The following KCTD3 variants were observed in gnomAD, a reference collection of about 807,000 sequenced individuals.
KCTD3 encodes BTB/POZ domain-containing protein KCTD3.
A neutral mutation model predicts 85.8 loss-of-function variants in KCTD3; 41 were observed. The observed-to-expected ratio is 0.48, with a 90% CI of 0.37 to 0.62. KCTD3 has a LOEUF of 0.62. Among genes scored for constraint, KCTD3 ranks in the 20% least tolerant of loss-of-function variants. The pLI is 0.00. For missense variants in KCTD3, 724 were observed against 989.9 expected, an observed-to-expected ratio of 0.73 and a Z score of 3.60; for synonymous variants, 338 against 345.4, an observed-to-expected ratio of 0.98 and a Z score of 0.24.
In KCTD3 at chr1:215,619,275, C is replaced by T; in HGVS notation, c.1870C>T (p.Arg624Ter). ...TTCCGTAGTTCAGCATAGCCACTTA[C>T]GAGAATCAAATTCTAGGTAGGTTAA... ...ATSVVQHSHL[R>*]ESNSSLQLQH... is the part of the protein sequence containing the mutation. The change falls in exon 17 of 18, where the codon CGA becomes TGA. Residue 624 changes from arginine (R) to a stop codon, truncating the protein, a stop_gained. Transcript: ENST00000259154. LOFTEE classifies it low-confidence loss of function (END_TRUNC). 7 of 1,612,896 alleles carry T rather than the reference C, an allele frequency of 4.3e-6. No homozygotes were observed. Among genetic ancestry groups the T allele is most frequent in the Non-Finnish European group, 5.9e-6 (7 of 1,179,368 alleles).
At chr1:215,589,821 A>G (rs1660147045) in intron 9 of KCTD3, among the ~76,000 whole-genome samples, 1 of 152,160 alleles carries the variant, frequency 6.6e-6, no homozygotes, top group African/African-American at 2.4e-5. Flanking sequence ...AATACGGCAG[A>G]ATTTGTTTAT....
In KCTD3 at chr1:215,586,526, T is replaced by C. The variant is rs1349556402; in HGVS notation, c.658T>C (p.Phe220Leu). Reference sequence around the variant, plus strand: ...AGAATCTTCAGGATGGCAGCAAGTGTTTACGAGCCCATATTTGGATTGGAC... The same window carrying C: ...AGAATCTTCAGGATGGCAGCAAGTGCTTACGAGCCCATATTTGGATTGGAC... ...IKESSGWQQV[F>L]TSPYLDWTIE... The change falls in exon 9 of 18, where the codon TTT becomes CTT. Residue 220 changes from phenylalanine (F) to leucine (L), a missense_variant. By Grantham distance (22) the Phe-to-Leu change is conservative (BLOSUM62 0). Transcript: ENST00000259154. The C allele has an allele frequency of 6.2e-7, 1 of 1,614,110 alleles. No individual in the cohort carries two copies. Among genetic ancestry groups the C allele is most frequent in the Admixed American group, 1.7e-5 (1 of 60,012 alleles).
At chr1:215,580,818 C>CATT (rs1659789942) in intron 8 of KCTD3, among the ~76,000 whole-genome samples, 1 of 151,800 alleles carries the variant, frequency 6.6e-6, no homozygotes, top group Admixed American at 6.6e-5. Flanking sequence ...CTAAAGTTTA[C>CATT]AGATATAGTT....
At chr1:215,585,526 C>G (rs1659976662) in intron 8 of KCTD3, among the ~76,000 whole-genome samples, 1 of 152,102 alleles carries the variant, frequency 6.6e-6, no homozygotes, top group Admixed American at 6.5e-5. Context: ...AGGTAGTGTG[C>G]AAAAGAACGC....
chr1:215,619,812 CTT>C (rs1553311703), intron 17 of KCTD3, among the ~76,000 whole-genome samples: 3 of 151,868 alleles, frequency 2.0e-5, no homozygotes, highest in South Asian at 4.2e-4. Flanking sequence ...TTCCTCCCAT[CTT>C]TTTTTTAGCT....
At chr1:215,589,613 T>G (rs532515522) in intron 9 of KCTD3, among the ~76,000 whole-genome samples, 16 of 152,222 alleles carry the variant, frequency 1.1e-4, no homozygotes, top group Non-Finnish European at 2.1e-4. Flanking sequence ...CAACATAAAC[T>G]GCATTGTTTA....
rs1278403595 is a variant in KCTD3, at chr1:215,620,483, C to G, written c.2313C>G (p.Pro771=). The G allele has an allele frequency of 1.2e-6, 2 of 1,613,700 alleles. No individual in the cohort carries two copies. Among genetic ancestry groups the G allele is most frequent in the Non-Finnish European group, 8.5e-7 (1 of 1,179,662 alleles). ...GGGFLGRKKV[P]YLASSPSTSD... Reference sequence around the variant, plus strand: ...GATTCCTTGGAAGAAAGAAAGTTCCCTATCTGGCGTCATCACCAAGTACTT... The same window carrying G: ...GATTCCTTGGAAGAAAGAAAGTTCCGTATCTGGCGTCATCACCAAGTACTT... The change falls in exon 18 of 18, where the codon CCC becomes CCG. Residue 771 remains proline (P), a synonymous_variant. Coordinates refer to ENST00000259154, the MANE Select transcript of KCTD3 (RefSeq NM_016121.5).
At chr1:215,606,745 T>C (rs1655037284) in intron 13 of KCTD3, among the ~76,000 whole-genome samples, 1 of 152,022 alleles carries the variant, frequency 6.6e-6, no homozygotes. Context: ...GAGTATTTTG[T>C]GTATACTCAG....
intron 10 of KCTD3, among the ~76,000 whole-genome samples, chr1:215,601,126 A>G (rs1345985864): frequency 6.9e-6 from 1 of 144,716 alleles, no homozygotes; most frequent in Non-Finnish European, 1.5e-5. Flanking sequence ...TAGTAGAGAC[A>G]GGGTTTCACC....
chr1:215,586,479 T>C lies in KCTD3; in HGVS notation c.627-16T>C. ...TGCTGCTGAGTCTACCTTATGTGCCTGTTCTTCCTTAACAGAATCAAAGAA... is the reference window on the plus strand; with the variant it reads ...TGCTGCTGAGTCTACCTTATGTGCCCGTTCTTCCTTAACAGAATCAAAGAA... On this transcript the variant is annotated splice_polypyrimidine_tract_variant and intron_variant, in intron 8 of 17. Coordinates refer to ENST00000259154, the MANE Select transcript of KCTD3 (RefSeq NM_016121.5). 6.3e-7 allele frequency: 1 copy of C among 1,598,396 alleles called. No individual in the cohort carries two copies. The highest frequency in any genetic ancestry group is 8.5e-7 in the Non-Finnish European group (1 of 1,170,054).
chr1:215,573,707 G>A (rs1659459983), intron 1 of KCTD3, 79 bp from the exon 2 acceptor site: 1 of 770,390 alleles, frequency 1.3e-6, no homozygotes, highest in Non-Finnish European at 2.2e-6. Context: ...TCATTAGCCA[G>A]TGTATTAAAA....
At chr1:215,569,429 A>G (rs577593095) in intron 1 of KCTD3, among the ~76,000 whole-genome samples, 36 of 152,098 alleles carry the variant, frequency 2.4e-4, no homozygotes, top group Non-Finnish European at 3.7e-4. Context: ...GATAGTTAAT[A>G]TATTTCTATT....
chr1:215,577,586 A>C (rs1659636712), intron 4 of KCTD3, 84 bp from the exon 5 acceptor site: 19 of 828,124 alleles, frequency 2.3e-5, no homozygotes, highest in Middle Eastern at 2.3e-4. Flanking sequence ...ATATACATGA[A>C]GAACCTAGAA....
chr1:215,608,069 A>C lies in KCTD3; in HGVS notation c.1362A>C (p.Gly454=). 1 of 1,612,282 alleles carries C rather than the reference A, an allele frequency of 6.2e-7. No homozygotes were observed. Among genetic ancestry groups the C allele is most frequent in the South Asian group, 1.1e-5 (1 of 91,016 alleles). The change falls in exon 14 of 18, where the codon GGA becomes GGC. Residue 454 remains glycine, a synonymous_variant. Coordinates refer to ENST00000259154, the MANE Select transcript of KCTD3 (RefSeq NM_016121.5). ...CGTGGACAGTAACACGATTCAGAGG[A>C]ATGATCTCTACTCAGCCAGGTTCTA... is the stretch of plus-strand genomic sequence containing the variant. ...VRTWTVTRFR[G]MISTQPGSTP...
chr1:215,602,206 G>A lies in KCTD3; in HGVS notation c.1138+5G>A. On this transcript the variant is annotated splice_donor_5th_base_variant and intron_variant, in intron 12 of 17. Transcript: ENST00000259154. ...TTTACCTCACACCCAAAACAAGTTA[G>A]TACATGGCCAATTATATACATTCTT... is the stretch of plus-strand genomic sequence containing the variant. The A allele has an allele frequency of 1.5e-6, 2 of 1,359,000 alleles. No homozygotes were observed. The highest frequency in any genetic ancestry group is 1.2e-5 in the South Asian group (1 of 80,230). The allele number at this position is 1,359,000 out of a possible 1,614,324, so 84.2% of individuals were successfully genotyped here. A position where few individuals can be genotyped will look rare whatever the true frequency, so the allele number is the denominator to read the frequency against.
At position 215,576,194 on chromosome 1, in the gene KCTD3, G is replaced by A. The variant is rs183535121; in HGVS notation, c.257+220G>A. Among the ~76,000 whole-genome samples the A allele has an allele frequency of 1.7e-3, 250 of 151,342 alleles. 1 individual carries two copies. The highest frequency in any genetic ancestry group is 3.1e-3 in the Non-Finnish European group (213 of 67,746). On this transcript the variant is annotated intron_variant, in intron 4 of 17. Transcript: ENST00000259154. The stretch of plus-strand genomic sequence containing the variant: ...AACAATTCTCCTGCCTCAGCCTCCC[G>A]AGTAGCTGGGACTGTAGGCACATGC...
rs1380892706 is a variant in KCTD3 at position 215,611,818 on chromosome 1, G to A, written c.1466-7G>A. 1.3e-6 allele frequency: 2 copies of A among 1,582,300 alleles called. No individual in the cohort carries two copies. Among genetic ancestry groups the A allele is most frequent in the Non-Finnish European group, 8.6e-7 (1 of 1,160,738 alleles). On this transcript the variant is annotated splice_polypyrimidine_tract_variant and splice_region_variant and intron_variant, in intron 14 of 17. Coordinates refer to ENST00000259154, the MANE Select transcript of KCTD3 (RefSeq NM_016121.5). ...TAATTTTTTGACATTTTTGTTTTCT[G>A]ATCAAGGACCTTTTGGAGAGCGAGA...
chr1:215,591,970 A>G (rs1432905065), intron 9 of KCTD3, among the ~76,000 whole-genome samples: 1 of 152,212 alleles, frequency 6.6e-6, no homozygotes, highest in South Asian at 2.1e-4. Context: ...CAATCATGGC[A>G]GAAGGCAAGG....
chr1:215,608,270 A>G lies in KCTD3; in HGVS notation c.1465+98A>G, dbSNP rs972328017. 2.3e-5 allele frequency: 17 copies of G among 738,500 alleles called. No individual in the cohort carries two copies. In the Admixed American group the frequency reaches 4.3e-4, roughly 19 times the overall value. The allele number at this position is 738,500 out of a possible 1,614,324, so 45.7% of individuals were successfully genotyped here. A position where few individuals can be genotyped will look rare whatever the true frequency, so the allele number is the denominator to read the frequency against. On this transcript the variant is annotated intron_variant, in intron 14 of 17. Coordinates refer to ENST00000259154, the MANE Select transcript of KCTD3 (RefSeq NM_016121.5). The stretch of plus-strand genomic sequence containing the variant: ...ACCACAAAAATGAGTTTTAAATACA[A>G]ATTTTCCATTTTAATTTTGAAATTC...
Sources: allele counts gnomAD v4.1 joint callset (sites outside exome capture counted in the v4.1 genomes callset), GRCh38; gene constraint gnomAD v4.1.1; transcripts MANE v1.5; gene names NCBI Gene and HGNC (gene_info 2026-07-23, HGNC 2026-07-21).